The following RNF217 variants were observed in gnomAD, a reference collection of about 807,000 sequenced individuals.
RNF217 encodes the protein E3 ubiquitin-protein ligase RNF217.
RNF217 carries 31 observed loss-of-function variants against 57.8 expected under a neutral mutation model. The ratio of observed to expected loss-of-function variants is 0.54; its 90% CI spans 0.40 to 0.72. The LOEUF (loss-of-function observed/expected upper bound fraction) is 0.72. Ranked by LOEUF, RNF217 falls within the 30% of genes least tolerant of loss-of-function variation. The pLI, the probability that RNF217 is intolerant of heterozygous loss-of-function variation, is 0.00. For synonymous variants in RNF217, 313 were observed against 294.0 expected (o/e 1.06, Z -0.66); for missense variants, 696 against 708.3 (o/e 0.98, Z 0.20).
At chr6:125,002,528 C>T (rs1340590165) in intron 1 of RNF217, among the ~76,000 whole-genome samples, 1 of 152,152 alleles carries the variant, frequency 6.6e-6, no homozygotes, top group Non-Finnish European at 1.5e-5. Flanking sequence ...TTACTTCCAA[C>T]CTGAATACCT....
intron 1 of RNF217, among the ~76,000 whole-genome samples, chr6:125,019,022 A>G: frequency 6.6e-6 from 1 of 152,168 alleles, no homozygotes; most frequent in East Asian, 1.9e-4. Context: ...GCCCCAAGGA[A>G]AAGATCCTAG....
At chr6:124,974,005 C>T (rs1020593781) in intron 1 of RNF217, among the ~76,000 whole-genome samples, 5 of 152,190 alleles carry the variant, frequency 3.3e-5, no homozygotes, top group African/African-American at 1.2e-4. Context: ...TACCGAGTGC[C>T]CCCACATGGC....
At chr6:125,024,968 A>G (rs1786015649) in intron 1 of RNF217, among the ~76,000 whole-genome samples, 2 of 152,150 alleles carry the variant, frequency 1.3e-5, no homozygotes, top group South Asian at 4.1e-4. Flanking sequence ...AGATTAACCA[A>G]TGAGAACAAT....
At chr6:125,035,577 A>T (rs1293820480) in intron 1 of RNF217, among the ~76,000 whole-genome samples, 4 of 152,160 alleles carry the variant, frequency 2.6e-5, no homozygotes, top group African/African-American at 9.7e-5. Flanking sequence ...CTTGTCATTC[A>T]TGTGTTCCAA....
At chr6:124,966,514 G>GA (rs1783548746) in intron 1 of RNF217, among the ~76,000 whole-genome samples, 2 of 151,930 alleles carry the variant, frequency 1.3e-5, no homozygotes, top group South Asian at 4.1e-4. Flanking sequence ...AAGACCTTTT[G>GA]AAAAAAATGA....
At position 125,091,017 on chromosome 6, in the gene RNF217, A is replaced by G. The variant is rs1263745529; in HGVS notation, c.*8080A>G. The G allele has an allele frequency of 6.6e-6, 1 of 152,072 alleles. No homozygotes were observed. The highest frequency in any genetic ancestry group is 1.9e-4 in the East Asian group (1 of 5,200). The allele number at this position is 152,072 out of a possible 1,614,324, so 9.4% of individuals were successfully genotyped here. A position where few individuals can be genotyped will look rare whatever the true frequency, so the allele number is the denominator to read the frequency against. On this transcript the variant is annotated 3_prime_UTR_variant, in exon 6 of 6. Transcript: ENST00000521654. Reference sequence around the variant, plus strand: ...ATTGCAAAGGAAAAATTACGTTGAGATGAAATGTTGAGAAATAAGGAGTAT... The same window carrying G: ...ATTGCAAAGGAAAAATTACGTTGAGGTGAAATGTTGAGAAATAAGGAGTAT...
At chr6:124,976,080 A>G (rs1032757172) in intron 1 of RNF217, among the ~76,000 whole-genome samples, 3 of 152,056 alleles carry the variant, frequency 2.0e-5, no homozygotes, top group African/African-American at 7.2e-5. Flanking sequence ...GTATATGTGT[A>G]TGTGTGTATA....
chr6:124,964,870 A>T (rs1783475955), intron 1 of RNF217, among the ~76,000 whole-genome samples: 1 of 152,214 alleles, frequency 6.6e-6, no homozygotes, highest in East Asian at 1.9e-4. Flanking sequence ...GTGAGAGCAG[A>T]TGTGTACAAA....
chr6:125,082,942 C>T lies in RNF217; in HGVS notation c.*5C>T, dbSNP rs765067697. On this transcript the variant is annotated 3_prime_UTR_variant, in exon 6 of 6. Transcript: ENST00000521654. The stretch of plus-strand genomic sequence containing the variant: ...CGGACAGGTATGCACTGGTAACATG[C>T]AGATGATTTCATCCAGCTAAGCTGG... 2.1e-5 allele frequency: 34 copies of T among 1,586,756 alleles called. No individual in the cohort carries two copies. The highest frequency in any genetic ancestry group is 2.8e-5 in the Non-Finnish European group (33 of 1,170,172).
At chr6:125,055,542 C>T (rs140168996) in intron 2 of RNF217, among the ~76,000 whole-genome samples, 95 of 152,202 alleles carry the variant, frequency 6.2e-4, no homozygotes, top group African/African-American at 2.2e-3. Context: ...AGAGCGAATC[C>T]GAGTTTCAAA....
At position 125,005,509 on chromosome 6, in the gene RNF217, A is replaced by G. The variant is rs145869628; in HGVS notation, c.883-39702A>G. Among the ~76,000 whole-genome samples, 25 of 152,330 alleles carry G rather than the reference A, an allele frequency of 1.6e-4. 1 individual carries two copies. The highest frequency in any genetic ancestry group is 9.6e-4 in the East Asian group (5 of 5,186). ...TCTCTGCAGGAAAGTCATGATAAAA[A>G]CAGGTATGTTTGGATTGGGTTTTCA... On this transcript the variant is annotated intron_variant, in intron 1 of 5. Coordinates refer to ENST00000521654, the MANE Select transcript of RNF217 (RefSeq NM_001286398.3).
intron 1 of RNF217, among the ~76,000 whole-genome samples, chr6:125,041,451 A>G (rs975318752): frequency 6.6e-6 from 1 of 152,116 alleles, no homozygotes; most frequent in East Asian, 1.9e-4. Flanking sequence ...CAGACTTTTT[A>G]CCATGGCCAA....
chr6:125,008,766 G>C (rs1277136080), intron 1 of RNF217: 1 of 142,960 alleles, frequency 7.0e-6, no homozygotes, highest in Non-Finnish European at 1.5e-5. Context: ...TAACCCTGTA[G>C]GTTTCCTTCT....
rs555956793 is a variant in RNF217 at position 125,053,380 on chromosome 6, T to C, written c.1117-4562T>C. ...TGTGTTGGATGGGAAAATGAATTGA[T>C]ACATGTGCTTCATTATTGAGAATCT... On this transcript the variant is annotated intron_variant, in intron 2 of 5. Coordinates refer to ENST00000521654, the MANE Select transcript of RNF217 (RefSeq NM_001286398.3). Among the ~76,000 whole-genome samples the C allele has an allele frequency of 4.3e-4, 65 of 152,264 alleles. No individual in the cohort carries two copies. The South Asian group carries it at 6.6e-3, about 16-fold the overall frequency.
chr6:125,091,584 A>C lies in RNF217; in HGVS notation c.*8647A>C, dbSNP rs952845993. ...CCAGAAATTAAAGCCATTAAAATTGAATTGTACTTTAAAACCATAAAAAAT... is the reference window on the plus strand; with the variant it reads ...CCAGAAATTAAAGCCATTAAAATTGCATTGTACTTTAAAACCATAAAAAAT... On this transcript the variant is annotated 3_prime_UTR_variant, in exon 6 of 6. Coordinates refer to ENST00000521654, the MANE Select transcript of RNF217 (RefSeq NM_001286398.3). 9.9e-5 allele frequency: 15 copies of C among 152,148 alleles called. No homozygotes were observed. The highest frequency in any genetic ancestry group is 3.4e-4 in the African/African-American group (14 of 41,456). 9.4% of individuals were successfully genotyped at this position (152,148 alleles called of 1,614,324 possible).
chr6:124,963,229 C>G lies in RNF217; in HGVS notation c.685C>G (p.Leu229Val). 1.3e-6 allele frequency: 2 copies of G among 1,536,084 alleles called. No individual in the cohort carries two copies. Among genetic ancestry groups the G allele is most frequent in the South Asian group, 2.4e-5 (2 of 84,052 alleles). ...DGGSIELEFY[L>V]APEPFSMPSL... Reference sequence around the variant, plus strand: ...CGGCAGCATCGAGCTGGAGTTCTACCTGGCGCCCGAGCCGTTCTCCATGCC... The same window carrying G: ...CGGCAGCATCGAGCTGGAGTTCTACGTGGCGCCCGAGCCGTTCTCCATGCC... The change falls in exon 1 of 6, where the codon CTG becomes GTG. Residue 229 changes from leucine to valine, a missense_variant. Leu to Val is a conservative substitution (Grantham distance 32). Around this residue, in one of 2 missense-constraint regions of RNF217, gnomAD observed 465 missense variants for 386.8 expected, o/e 1.20. Coordinates refer to ENST00000521654, the MANE Select transcript of RNF217 (RefSeq NM_001286398.3).
chr6:125,039,320 C>A (rs1786780473), intron 1 of RNF217, among the ~76,000 whole-genome samples: 1 of 152,020 alleles, frequency 6.6e-6, no homozygotes, highest in East Asian at 1.9e-4. Flanking sequence ...ATTAAACAGA[C>A]CTTAAACCAA....
At chr6:124,974,699 A>G (rs184557033) in intron 1 of RNF217, among the ~76,000 whole-genome samples, 78 of 152,360 alleles carry the variant, frequency 5.1e-4, no homozygotes, top group South Asian at 2.1e-4. Flanking sequence ...TTATTTTTGT[A>G]GTCTAGATAT....
Position 125,091,308 on chromosome 6 carries a change from T to C in RNF217, c.*8371T>C, listed in dbSNP as rs1048255885. On this transcript the variant is annotated 3_prime_UTR_variant, in exon 6 of 6. Coordinates refer to ENST00000521654, the MANE Select transcript of RNF217 (RefSeq NM_001286398.3). ...GCTTTGTGTGATGAGTATATAACAT[T>C]CATATACGTTATTAGTGCCTTATTT... 1 of 152,066 alleles carries C rather than the reference T, an allele frequency of 6.6e-6. No homozygotes were observed. Among genetic ancestry groups the C allele is most frequent in the Non-Finnish European group, 1.5e-5 (1 of 67,936 alleles). 9.4% of individuals were successfully genotyped at this position (152,066 alleles called of 1,614,324 possible).
Sources: allele counts gnomAD v4.1 joint callset (sites outside exome capture counted in the v4.1 genomes callset), GRCh38; gene constraint gnomAD v4.1.1; regional missense constraint gnomAD v4.1.1; transcripts MANE v1.5; gene names NCBI Gene and HGNC (gene_info 2026-07-23, HGNC 2026-07-21).